The following NRXN1 variants were observed in gnomAD, a reference collection of about 807,000 sequenced individuals.
NRXN1 encodes the protein neurexin-1.
In NRXN1, 39 loss-of-function variants were observed where a neutral mutation model predicts 150.9. The ratio of observed to expected loss-of-function variants is 0.26; its 90% confidence interval spans 0.20 to 0.34. NRXN1 has a LOEUF of 0.34. Ranked by LOEUF, NRXN1 falls within the 10% of genes least tolerant of loss-of-function variation. The pLI, the probability that NRXN1 is intolerant of heterozygous loss-of-function variation, is 1.00. For synonymous variants in NRXN1, 924 were observed against 757.0 expected (o/e 1.22, Z -3.62); for missense variants, 1,815 against 1,949.9 (o/e 0.93, Z 1.30).
chr2:51,003,793 C>T (rs1700358450), intron 2 of NRXN1, among the ~76,000 whole-genome samples: 1 of 151,956 alleles, frequency 6.6e-6, no homozygotes, highest in Admixed American at 6.6e-5. Flanking sequence ...GCATTTTAAA[C>T]TGTTACCAAA....
intron 17 of NRXN1, among the ~76,000 whole-genome samples, chr2:50,242,522 C>A (rs1307729446): frequency 6.6e-6 from 1 of 151,694 alleles, no homozygotes; most frequent in African/African-American, 2.4e-5. Flanking sequence ...ACTAAAATTT[C>A]ATATAGGCAT....
At chr2:50,947,584 CTTAA>C (rs1690602429) in intron 2 of NRXN1, among the ~76,000 whole-genome samples, 2 of 151,952 alleles carry the variant, frequency 1.3e-5, no homozygotes, top group African/African-American at 4.8e-5. Flanking sequence ...ATACATAAAA[CTTAA>C]TTATAGAGCT....
intron 13 of NRXN1, among the ~76,000 whole-genome samples, chr2:50,501,485 T>C (rs1235478530): frequency 6.6e-6 from 1 of 151,330 alleles, no homozygotes; most frequent in Non-Finnish European, 1.5e-5. Flanking sequence ...ATAGTAGAAA[T>C]GAAAATCATC....
chr2:50,732,168 T>C (rs1439737692), intron 5 of NRXN1, among the ~76,000 whole-genome samples: 2 of 152,174 alleles, frequency 1.3e-5, no homozygotes, highest in Non-Finnish European at 2.9e-5. Context: ...ACATAATTTG[T>C]TCCCCATATT....
chr2:50,903,851 T>C (rs893411922), intron 5 of NRXN1, among the ~76,000 whole-genome samples: 1 of 152,214 alleles, frequency 6.6e-6, no homozygotes, highest in African/African-American at 2.4e-5. Context: ...TGGAGTGTTC[T>C]AATATAATCC....
intron 17 of NRXN1, among the ~76,000 whole-genome samples, chr2:50,355,590 T>A (rs1432332848): frequency 2.6e-5 from 4 of 152,154 alleles, no homozygotes; most frequent in Non-Finnish European, 4.4e-5. Flanking sequence ...ACATATCCCA[T>A]GCTATTCTCT....
Position 50,161,585 on chromosome 2 carries a change from A to C in NRXN1, c.3547-70091T>G, listed in dbSNP as rs2059368115. ...AGGAGAACTACTATTCTTTTCAGACACAGATAGTTCCCTTTTGGTGAAACT... is the reference window on the plus strand; with the variant it reads ...AGGAGAACTACTATTCTTTTCAGACCCAGATAGTTCCCTTTTGGTGAAACT... On this transcript the variant is annotated intron_variant, in intron 18 of 22. Coordinates refer to ENST00000401669, the MANE Select transcript of NRXN1 (RefSeq NM_001330078.2). 2.0e-5 allele frequency among the ~76,000 whole-genome samples: 3 copies of C among 152,172 alleles called. No individual in the cohort carries two copies. In the South Asian group the frequency reaches 6.2e-4, roughly 31 times the overall value.
intron 5 of NRXN1, among the ~76,000 whole-genome samples, chr2:50,777,104 T>G (rs1250622921): frequency 6.6e-6 from 1 of 152,164 alleles, no homozygotes; most frequent in African/African-American, 2.4e-5. Flanking sequence ...TTTCAAATCA[T>G]GAAAATGTGT....
intron 2 of NRXN1, among the ~76,000 whole-genome samples, chr2:51,016,453 A>G (rs1474134161): frequency 1.3e-5 from 2 of 152,226 alleles, no homozygotes; most frequent in Non-Finnish European, 2.9e-5. Flanking sequence ...GGATATGAAC[A>G]GACACTTTTC....
At chr2:50,903,709 G>A (rs543657234) in intron 5 of NRXN1, among the ~76,000 whole-genome samples, 87 of 152,156 alleles carry the variant, frequency 5.7e-4, no homozygotes, top group African/African-American at 2.0e-3. Flanking sequence ...CTCTCAATAC[G>A]TCCTTAGGCA....
intron 12 of NRXN1, among the ~76,000 whole-genome samples, chr2:50,524,724 A>G (rs1481742106): frequency 6.6e-6 from 1 of 152,140 alleles, no homozygotes; most frequent in Non-Finnish European, 1.5e-5. Context: ...AGTTGATAGG[A>G]GCAAGTTTAG....
At chr2:50,291,199 C>T (rs1216820519) in intron 17 of NRXN1, among the ~76,000 whole-genome samples, 2 of 151,186 alleles carry the variant, frequency 1.3e-5, no homozygotes, top group Admixed American at 6.6e-5. Flanking sequence ...GGCTCACGTG[C>T]TTCCCACTTT....
rs528490685 is a variant in NRXN1 at position 50,300,669 on chromosome 2, G to A, written c.3365-63699C>T. ...AAGCCATGCTCTTAAAGGGGAATGT[G>A]GTCTTTCCCTATGAGAATGGCCATC... On this transcript the variant is annotated intron_variant, in intron 17 of 22. Coordinates refer to ENST00000401669, the MANE Select transcript of NRXN1 (RefSeq NM_001330078.2). Among the ~76,000 whole-genome samples the A allele has an allele frequency of 9.7e-4, 148 of 152,252 alleles. No individual in the cohort carries two copies. In the Middle Eastern group the frequency reaches 0.01, roughly 10 times the overall value.
intron 18 of NRXN1, among the ~76,000 whole-genome samples, chr2:50,111,697 A>G (rs1426010722): frequency 2.0e-5 from 3 of 152,084 alleles, no homozygotes; most frequent in Non-Finnish European, 2.9e-5. Flanking sequence ...ATTTTAGTGT[A>G]ATCTGCACCC....
At chr2:50,228,870 C>T (rs991834344) in intron 18 of NRXN1, among the ~76,000 whole-genome samples, 2 of 151,910 alleles carry the variant, frequency 1.3e-5, no homozygotes, top group Non-Finnish European at 2.9e-5. Flanking sequence ...CAGGGCTGTG[C>T]TCTGTTGGCA....
chr2:50,203,263 G>A (rs1014527670), intron 18 of NRXN1, among the ~76,000 whole-genome samples: 5 of 152,148 alleles, frequency 3.3e-5, no homozygotes, highest in Non-Finnish European at 7.4e-5. Flanking sequence ...GCTAACAACA[G>A]CAAGGTACAT....
intron 17 of NRXN1, among the ~76,000 whole-genome samples, chr2:50,327,288 C>T (rs907981292): frequency 1.3e-5 from 2 of 152,074 alleles, no homozygotes; most frequent in African/African-American, 4.8e-5. Flanking sequence ...AGACACAAAA[C>T]AGAACATTCT....
chr2:50,699,276 A>T (rs1033541047), intron 5 of NRXN1, among the ~76,000 whole-genome samples: 2 of 152,190 alleles, frequency 1.3e-5, no homozygotes, highest in African/African-American at 4.8e-5. Context: ...TTCACCACCC[A>T]AGGTAGACAG....
chr2:50,910,197 T>A (rs1489239497), intron 5 of NRXN1, among the ~76,000 whole-genome samples: 1 of 152,068 alleles, frequency 6.6e-6, no homozygotes, highest in African/African-American at 2.4e-5. Flanking sequence ...ACTTTTTTGA[T>A]CTTTCCTCCA....
Sources: allele counts gnomAD v4.1 joint callset (sites outside exome capture counted in the v4.1 genomes callset), GRCh38; gene constraint gnomAD v4.1.1; transcripts MANE v1.5; gene names NCBI Gene and HGNC (gene_info 2026-07-23, HGNC 2026-07-21).